CDK16: variants seen among roughly 807,000 people sequenced by gnomAD.
CDK16 encodes the protein cyclin dependent kinase 16.
CDK16 carries 2 observed loss-of-function variants against 41.6 expected under a neutral mutation model. The ratio of observed to expected loss-of-function variants is 0.05; its 90% CI spans 0.02 to 0.15. The LOEUF (loss-of-function observed/expected upper bound fraction) is 0.15. CDK16 is among the 10% of genes least tolerant of loss of function. The pLI is 1.00. For missense variants in CDK16, 228 were observed against 428.9 expected, an observed-to-expected ratio of 0.53 and a Z score of 4.14; for synonymous variants, 169 against 169.7, an observed-to-expected ratio of 1.00 and a Z score of 0.03.
chrX:47,218,702 C>T lies in CDK16; in HGVS notation c.-410C>T, dbSNP rs781983314. ...CTTTCCACTTCACCCTTCCGAGCGC[C>T]TGCGTGCGCATGCGCGGAGCGCGGC... On this transcript the variant is annotated 5_prime_UTR_variant, in exon 1 of 16. Coordinates refer to ENST00000357227, the MANE Select transcript of CDK16 (RefSeq NM_006201.5). 6.0e-6 allele frequency: 7 copies of T among 1,165,916 alleles called. No homozygotes were observed. Among genetic ancestry groups the T allele is most frequent in the Non-Finnish European group, 8.0e-6 (7 of 872,389 alleles).
chrX:47,220,818 A>G lies in CDK16; in HGVS notation c.-7+1713A>G, dbSNP rs768967085. On this transcript the variant is annotated intron_variant, in intron 1 of 15. Transcript: ENST00000357227. ...GTTAATAGCATTCAGAGCAGCATGA[A>G]GAAGGTCCAGTGAGTGCTAATGTGG... Among the ~76,000 whole-genome samples the G allele has an allele frequency of 9.0e-5, 10 of 111,200 alleles. No homozygotes were observed. The South Asian group carries it at 1.1e-3, about 13-fold the overall frequency.
chrX:47,218,847 C>T lies in CDK16; in HGVS notation c.-265C>T. 8.9e-7 allele frequency: 1 copy of T among 1,125,626 alleles called. No individual in the cohort carries two copies. 92.8% of individuals were successfully genotyped at this position (1,125,626 alleles called of 1,213,427 possible). ...GGATTCAAGCCGGCGCCAACGAGTC[C>T]GGGGGCATCGCCCGCAGCGGCCAAG... is the stretch of plus-strand genomic sequence containing the variant. On this transcript the variant is annotated 5_prime_UTR_variant, in exon 1 of 16. Transcript: ENST00000357227.
chrX:47,220,965 G>A (rs1019831412), intron 1 of CDK16, among the ~76,000 whole-genome samples: 1 of 110,994 alleles, frequency 9.0e-6, no homozygotes, highest in Non-Finnish European at 1.9e-5. Context: ...CCAGGGAGGG[G>A]CCCAAGAATG....
Position 47,228,855 on chromosome X carries a change from C to T in CDK16, c.*87C>T, listed in dbSNP as rs771034555. The T allele has an allele frequency of 1.4e-5, 13 of 950,695 alleles. No homozygotes were observed. In the East Asian group the frequency reaches 2.6e-4, roughly 19 times the overall value. The allele number at this position is 950,695 out of a possible 1,213,427, so 78.3% of individuals were successfully genotyped here. ...CCCCCAACTACATCTTCCCTGCTTACTCTCTGCCTACCTGCCTGAGCCATG... is the reference window on the plus strand; with the variant it reads ...CCCCCAACTACATCTTCCCTGCTTATTCTCTGCCTACCTGCCTGAGCCATG... On this transcript the variant is annotated 3_prime_UTR_variant, in exon 16 of 16. Transcript: ENST00000357227.
At position 47,225,886 on chromosome X, in the gene CDK16, G is replaced by A; in HGVS notation, c.729+20G>A. ...TACCTGGTAAGGTTGAGTGGCAGTA[G>A]GTCCCAGGGGGAGGTGAGGAGAAGG... is the stretch of plus-strand genomic sequence containing the variant. On this transcript the variant is annotated intron_variant, in intron 7 of 15. Transcript: ENST00000357227. 7.6e-6 allele frequency: 9 copies of A among 1,189,954 alleles called. No homozygotes were observed. Among genetic ancestry groups the A allele is most frequent in the Non-Finnish European group, 9.1e-6 (8 of 875,768 alleles).
At chrX:47,221,504 G>T (rs1428142404) in intron 1 of CDK16, among the ~76,000 whole-genome samples, 1 of 111,169 alleles carries the variant, frequency 9.0e-6, no homozygotes, top group African/African-American at 3.3e-5. Context: ...AGCCCTTGGG[G>T]TTTCCAGTTA....
chrX:47,225,916 G>A (rs759557215), intron 7 of CDK16, 49 bp from the exon 8 acceptor site: 7 of 1,195,870 alleles, frequency 5.9e-6, no homozygotes, highest in Non-Finnish European at 7.9e-6. Flanking sequence ...AGAAGGCCAG[G>A]AGCCATAGGA....
chrX:47,223,206 C>G, intron 1 of CDK16: 1 of 1,156,844 alleles, frequency 8.6e-7, no homozygotes, highest in South Asian at 1.9e-5. Context: ...CTGAGAAGAT[C>G]TGCAATGGAG....
chrX:47,225,746 C>T (rs752117208), intron 6 of CDK16, 26 bp from the exon 7 acceptor site: 2 of 1,128,705 alleles, frequency 1.8e-6, no homozygotes, highest in East Asian at 6.0e-5. Flanking sequence ...GACTCTTCCC[C>T]TGTCCCACTC....
chrX:47,222,561 G>T (rs956707399), intron 1 of CDK16, among the ~76,000 whole-genome samples: 4 of 103,871 alleles, frequency 3.9e-5, no homozygotes, highest in Admixed American at 1.1e-4. Flanking sequence ...TAGGGGAAGG[G>T]TGTTCCAGGT....
At position 47,227,385 on chromosome X, in the gene CDK16, G is replaced by A. The variant is rs1556799446; in HGVS notation, c.1291G>A (p.Gly431Ser). ...DLLTKLLQFEGRNRISAEDAM... is the reference protein window; with the variant it reads ...DLLTKLLQFESRNRISAEDAM... ...TCCCCGCACCCCCACTCAGTTTGAG[G>A]GTCGAAATCGGATCTCCGCAGAGGA... The change falls in exon 14 of 16, where the codon GGT becomes AGT. Residue 431 changes from glycine (G) to serine (S), a missense_variant. By Grantham distance (56) the Gly-to-Ser change is moderately conservative (BLOSUM62 0). Transcript: ENST00000357227. The A allele has an allele frequency of 1.1e-5, 13 of 1,207,331 alleles. No homozygotes were observed. The highest frequency in any genetic ancestry group is 1.5e-5 in the Non-Finnish European group (13 of 892,324).
Position 47,228,885 on chromosome X carries a change from C to T in CDK16, c.*117C>T, listed in dbSNP as rs987563409. 1.3e-6 allele frequency: 1 copy of T among 770,557 alleles called. No individual in the cohort carries two copies. The highest frequency in any genetic ancestry group is 2.6e-5 in the Admixed American group (1 of 38,218). 63.5% of individuals were successfully genotyped at this position (770,557 alleles called of 1,213,427 possible). On this transcript the variant is annotated 3_prime_UTR_variant, in exon 16 of 16. Transcript: ENST00000357227. Reference sequence around the variant, plus strand: ...TGCCTACCTGCCTGAGCCATGTTCACCTGCCCACTTGTCCCCTGCTGCCTG... The same window carrying T: ...TGCCTACCTGCCTGAGCCATGTTCATCTGCCCACTTGTCCCCTGCTGCCTG...
intron 8 of CDK16, 101 bp from the exon 9 acceptor site, chrX:47,226,178 G>C (rs768076296): frequency 1.7e-6 from 2 of 1,150,233 alleles, no homozygotes; most frequent in Non-Finnish European, 2.4e-6. Flanking sequence ...GTGTGACAAG[G>C]CTCTGGGCCT....
rs1460364073 is a variant in CDK16, at chrX:47,218,727, C to T, written c.-385C>T. 1.4e-5 allele frequency: 16 copies of T among 1,159,163 alleles called. No individual in the cohort carries two copies. Among genetic ancestry groups the T allele is most frequent in the Non-Finnish European group, 1.8e-5 (16 of 870,483 alleles). ...CTGCGTGCGCATGCGCGGAGCGCGG[C>T]GCGCGCGGCGGTTGGGCCGTTGGCT... On this transcript the variant is annotated 5_prime_UTR_variant, in exon 1 of 16. Transcript: ENST00000357227.
rs778166636 is a variant in CDK16, at chrX:47,227,166, T to C, written c.1242-15T>C. The C allele has an allele frequency of 1.3e-5, 16 of 1,210,397 alleles. No homozygotes were observed. Among genetic ancestry groups the C allele is most frequent in the Non-Finnish European group, 1.8e-5 (16 of 894,740 alleles). ...CAAACTCATTTTAAATCAGGTCTCT[T>C]TGTCCTTGTGGCAGACTTGATAGCG... is the stretch of plus-strand genomic sequence containing the variant. On this transcript the variant is annotated splice_polypyrimidine_tract_variant and intron_variant, in intron 12 of 15. Transcript: ENST00000357227.
Position 47,227,187 on chromosome X carries a change from T to C in CDK16, c.1248T>C (p.Asp416=), listed in dbSNP as rs1389421638. The change falls in exon 13 of 16, where the codon GAT becomes GAC. Residue 416 remains aspartate, a synonymous_variant. Transcript: ENST00000357227. The stretch of plus-strand genomic sequence containing the variant: ...CTCTTTGTCCTTGTGGCAGACTTGA[T>C]AGCGACGGGGCCGACCTCCTCACCA... ...EALLSHAPRL[D]SDGADLLTKL... 16 of 1,209,887 alleles carry C rather than the reference T, an allele frequency of 1.3e-5. No individual in the cohort carries two copies. The highest frequency in any genetic ancestry group is 1.8e-5 in the Non-Finnish European group (16 of 894,718).
chrX:47,229,188 C>A lies in CDK16; in HGVS notation c.*420C>A. 2 of 259,153 alleles carry A rather than the reference C, an allele frequency of 7.7e-6. No homozygotes were observed. The highest frequency in any genetic ancestry group is 9.6e-5 in the South Asian group (2 of 20,907). The allele number at this position is 259,153 out of a possible 1,213,427, so 21.4% of individuals were successfully genotyped here. A position where few individuals can be genotyped will look rare whatever the true frequency, so the allele number is the denominator to read the frequency against. ...TGGTGACAATGCCTTGAGTCTGAGGCATCCTCTGCCTGCTTTCCTGCCTGC... is the reference window on the plus strand; with the variant it reads ...TGGTGACAATGCCTTGAGTCTGAGGAATCCTCTGCCTGCTTTCCTGCCTGC... On this transcript the variant is annotated 3_prime_UTR_variant, in exon 16 of 16. Transcript: ENST00000357227.
chrX:47,223,393 G>A, intron 1 of CDK16, 159 bp from the exon 2 acceptor site: 2 of 1,053,573 alleles, frequency 1.9e-6, no homozygotes, highest in Non-Finnish European at 2.5e-6. Flanking sequence ...TCCATGCTGG[G>A]TTTCCAGAAC....
intron 14 of CDK16, chrX:47,228,250 C>T: frequency 4.5e-6 from 1 of 220,656 alleles, no homozygotes; most frequent in Non-Finnish European, 8.2e-6. Flanking sequence ...AACATTTGCT[C>T]ACTTTCCCTA....
Sources: allele counts gnomAD v4.1 joint callset (sites outside exome capture counted in the v4.1 genomes callset), GRCh38; gene constraint gnomAD v4.1.1; transcripts MANE v1.5; gene names NCBI Gene and HGNC (gene_info 2026-07-23, HGNC 2026-07-21).